Variants in DMD observed in about 807,000 individuals in gnomAD.
DMD encodes mutant dystrophin.
A neutral mutation model predicts 330.1 loss-of-function variants in DMD; 63 were observed. That is an observed-to-expected ratio of 0.19 (90% confidence interval 0.16 to 0.24). The LOEUF (loss-of-function observed/expected upper bound fraction) is 0.24, where lower values mean the gene tolerates loss of function less well. Ranked by LOEUF, DMD falls within the 10% of genes least tolerant of loss-of-function variation. DMD has a pLI of 1.00. For missense variants in DMD, 3,344 were observed against 2,684.1 expected, an observed-to-expected ratio of 1.25 and a Z score of -5.43; for synonymous variants, 1,223 against 959.8, an observed-to-expected ratio of 1.27 and a Z score of -5.07.
At position 32,170,973 on chromosome X, in the gene DMD, A is replaced by G. The variant is rs143336670; in HGVS notation, c.6438+45943T>C. Among the ~76,000 whole-genome samples, 610 of 111,514 alleles carry G rather than the reference A, an allele frequency of 5.5e-3. 4 individuals carry two copies. The highest frequency in any genetic ancestry group is 0.019 in the African/African-American group (570 of 30,721). ...TATACCTGTTATATGTAAAAATAAG[A>G]TTGGAATAAAATAACATCTATCTAT... On this transcript the variant is annotated intron_variant, in intron 44 of 78. Coordinates refer to ENST00000357033, the MANE Select transcript of DMD (RefSeq NM_004006.3).
At chrX:31,585,980 C>T (rs1299651532) in intron 55 of DMD, among the ~76,000 whole-genome samples, 1 of 110,725 alleles carries the variant, frequency 9.0e-6, no homozygotes, top group Non-Finnish European at 1.9e-5. Flanking sequence ...GTCTCTAGAC[C>T]AATGCCATCA....
At chrX:32,463,770 A>AT (rs1223426543) in intron 24 of DMD, among the ~76,000 whole-genome samples, 176 bp from the exon 25 acceptor site, 3 of 112,232 alleles carry the variant, frequency 2.7e-5, no homozygotes, top group Non-Finnish European at 5.6e-5. Context: ...TCTTGCAAAA[A>AT]TGTTCAATGG....
chrX:31,986,659 CT>C (rs1343318013), intron 44 of DMD, among the ~76,000 whole-genome samples: 1 of 111,710 alleles, frequency 9.0e-6, no homozygotes, highest in Non-Finnish European at 1.9e-5. Flanking sequence ...ATCCACCCAC[CT>C]TGGCCTCCCG....
At chrX:33,285,765 T>C (rs2053422891) in intron 1 of DMD, among the ~76,000 whole-genome samples, 1 of 112,188 alleles carries the variant, frequency 8.9e-6, no homozygotes, top group South Asian at 3.7e-4. Context: ...ACTCATAAAA[T>C]GAGAATTTGT....
At chrX:33,059,055 T>C (rs756406494) in intron 1 of DMD, among the ~76,000 whole-genome samples, 3 of 112,139 alleles carry the variant, frequency 2.7e-5, no homozygotes, top group Admixed American at 1.9e-4. Context: ...TTATAATAGA[T>C]AGAATTCTTA....
chrX:32,286,361 T>C (rs757956525), intron 43 of DMD, among the ~76,000 whole-genome samples: 79 of 111,860 alleles, frequency 7.1e-4, no homozygotes, highest in Admixed American at 5.3e-3. Flanking sequence ...GAGCGACTAA[T>C]AGTTTTAGGA....
intron 64 of DMD, among the ~76,000 whole-genome samples, chrX:31,220,921 T>C (rs1408623594): frequency 1.8e-5 from 1 of 54,952 alleles, no homozygotes; most frequent in Admixed American, 2.1e-4. Context: ...TTTTTTTTTT[T>C]AGCTCATCAG....
In DMD at chrX:32,697,917, C is replaced by A. The variant is rs768905865; in HGVS notation, c.913G>T (p.Ala305Ser). ...GTAGGGTCAGAGGTGGTGACATAAG[C>A]AGCCTGTGTGTAGGCATAGCTCTTG... The part of the protein sequence containing the change: ...RFKSYAYTQA[A>S]YVTTSDPTRS... The change falls in exon 9 of 79, where the codon GCT (alanine) becomes TCT (serine). Residue 305 changes from alanine (A) to serine (S), a missense_variant. Transcript: ENST00000357033. The A allele has an allele frequency of 8.3e-7, 1 of 1,207,003 alleles. No individual in the cohort carries two copies. Among genetic ancestry groups the A allele is most frequent in the African/African-American group, 1.8e-5 (1 of 56,605 alleles).
rs199711886 is a variant in DMD at position 32,452,291 on chromosome X, A to AG, written c.3603+2370dup. Among the ~76,000 whole-genome samples, 3 of 22,974 alleles carry AG rather than the reference A, an allele frequency of 1.3e-4. 1 individual carries two copies. The highest frequency in any genetic ancestry group is 1.8e-4 in the Non-Finnish European group (2 of 11,023). The allele number at this position is 22,974 out of a possible 115,157, so 20.0% of individuals were successfully genotyped here. ...TGACACACAATGGAAAAGAAAGGAA[A>AG]GGAAAAGGAAAGGGAAAGTGAAAGT... On this transcript the variant is annotated intron_variant, in intron 26 of 78. Coordinates refer to ENST00000357033, the MANE Select transcript of DMD (RefSeq NM_004006.3).
At chrX:31,885,631 AAAAAAAG>A (rs2094143627) in intron 47 of DMD, among the ~76,000 whole-genome samples, 3 of 87,374 alleles carry the variant, frequency 3.4e-5, no homozygotes, top group Admixed American at 1.5e-4. Flanking sequence ...AAAAAAAAAA[AAAAAAAG>A]AAAAAAAAAG....
At chrX:32,880,731 G>T (rs2083856688) in intron 2 of DMD, among the ~76,000 whole-genome samples, 2 of 112,078 alleles carry the variant, frequency 1.8e-5, no homozygotes, top group Non-Finnish European at 3.8e-5. Context: ...GACCACCTGA[G>T]GTCGGGAGTT....
intron 60 of DMD, among the ~76,000 whole-genome samples, chrX:31,438,266 A>T (rs1489807023): frequency 9.0e-6 from 1 of 111,322 alleles, no homozygotes; most frequent in Non-Finnish European, 1.9e-5. Context: ...AGTCATATAT[A>T]TATTTTTTTA....
At chrX:31,611,519 G>T (rs111535264) in intron 55 of DMD, among the ~76,000 whole-genome samples, 65 of 111,983 alleles carry the variant, frequency 5.8e-4, no homozygotes, top group South Asian at 3.8e-3. Context: ...ACTTAAAAGC[G>T]AATAGGCTTT....
intron 30 of DMD, among the ~76,000 whole-genome samples, chrX:32,393,362 G>A (rs1458550531): frequency 9.0e-6 from 1 of 111,365 alleles, no homozygotes; most frequent in Non-Finnish European, 1.9e-5. Context: ...AATTTAACAA[G>A]AAATGTAGGT....
chrX:31,170,305 T>A (rs1217656830), intron 73 of DMD, among the ~76,000 whole-genome samples: 1 of 111,465 alleles, frequency 9.0e-6, no homozygotes, highest in East Asian at 2.8e-4. Context: ...TTTAAATTTA[T>A]ACATAATGGT....
At chrX:31,869,096 G>C (rs978451289) in intron 48 of DMD, among the ~76,000 whole-genome samples, 6 of 111,627 alleles carry the variant, frequency 5.4e-5, no homozygotes, top group African/African-American at 1.6e-4. Context: ...TAATTGTACA[G>C]TACAGTATCG....
intron 55 of DMD, among the ~76,000 whole-genome samples, chrX:31,597,302 G>A (rs1347445245): frequency 1.8e-5 from 2 of 111,790 alleles, no homozygotes; most frequent in Non-Finnish European, 3.8e-5. Flanking sequence ...TGGCTTTGAG[G>A]GGTGGAGAGT....
chrX:32,123,232 TATATATATATAA>T (rs1360646469), intron 44 of DMD, among the ~76,000 whole-genome samples: 4 of 87,667 alleles, frequency 4.6e-5, no homozygotes, highest in African/African-American at 1.7e-4. Context: ...TATATATATA[TATATATATATAA>T]ATGATCAAAA....
intron 1 of DMD, among the ~76,000 whole-genome samples, chrX:33,129,740 A>G (rs1166316659): frequency 9.0e-6 from 1 of 110,900 alleles, no homozygotes; most frequent in Non-Finnish European, 1.9e-5. Context: ...TACAAAGAGT[A>G]CTGCATCCAA....
Sources: gnomAD v4.1 joint callset for allele counts (sites outside exome capture counted in the v4.1 genomes callset) on GRCh38, gnomAD v4.1.1 for gene constraint, MANE v1.5 for transcripts, NCBI Gene and HGNC (gene_info 2026-07-23, HGNC 2026-07-21) for gene names.